KHDRBS2: variants seen among roughly 807,000 people sequenced by gnomAD.
KHDRBS2 encodes KH domain-containing, RNA-binding, signal transduction-associated protein 2.
KHDRBS2 carries 26 observed loss-of-function variants against 44.3 expected under a neutral mutation model. The observed-to-expected ratio is 0.59, with a 90% CI of 0.43 to 0.81. The LOEUF (loss-of-function observed/expected upper bound fraction) is 0.81. Ranked by LOEUF, KHDRBS2 falls within the 40% of genes least tolerant of loss-of-function variation. KHDRBS2 has a pLI of 0.00. For missense variants in KHDRBS2, 476 were observed against 433.1 expected (o/e 1.10, Z -0.88); for synonymous variants, 194 against 151.1 (o/e 1.28, Z -2.08).
intron 8 of KHDRBS2, among the ~76,000 whole-genome samples, chr6:61,691,422 A>G (rs929627442): frequency 2.6e-5 from 4 of 152,104 alleles, no homozygotes; most frequent in African/African-American, 9.6e-5. Context: ...GAATTTTAAA[A>G]TACTTTAGAA....
intron 5 of KHDRBS2, among the ~76,000 whole-genome samples, chr6:61,898,778 A>T (rs1803401471): frequency 6.6e-6 from 1 of 151,970 alleles, no homozygotes; most frequent in Non-Finnish European, 1.5e-5. Flanking sequence ...TAAAAAATGC[A>T]CAAGGTCAAC....
chr6:61,688,321 G>C (rs1251985767), intron 8 of KHDRBS2, among the ~76,000 whole-genome samples: 1 of 151,816 alleles, frequency 6.6e-6, no homozygotes, highest in Non-Finnish European at 1.5e-5. Flanking sequence ...AATGTAGAAG[G>C]TTATCTGACT....
intron 1 of KHDRBS2, among the ~76,000 whole-genome samples, chr6:62,285,396 T>A (rs1159312763): frequency 1.3e-5 from 2 of 152,186 alleles, no homozygotes; most frequent in Non-Finnish European, 2.9e-5. Flanking sequence ...ACACTTTCCA[T>A]AGGATAGACT....
chr6:61,861,800 G>C (rs923956016), intron 6 of KHDRBS2, among the ~76,000 whole-genome samples: 1 of 151,820 alleles, frequency 6.6e-6, no homozygotes, highest in Non-Finnish European at 1.5e-5. Flanking sequence ...AAATTTCTTT[G>C]GGAAGTATAA....
chr6:61,955,541 T>C (rs1583761232), intron 4 of KHDRBS2, among the ~76,000 whole-genome samples: 2 of 56,314 alleles, frequency 3.6e-5, no homozygotes, highest in African/African-American at 1.4e-4. Context: ...TGTGTATATA[T>C]ACACATATGT....
chr6:61,866,713 C>A (rs775688860), intron 6 of KHDRBS2, among the ~76,000 whole-genome samples: 9 of 152,200 alleles, frequency 5.9e-5, no homozygotes, highest in Non-Finnish European at 1.2e-4. Context: ...AAAGTCACAT[C>A]TTGAATGCTT....
intron 6 of KHDRBS2, among the ~76,000 whole-genome samples, chr6:61,868,349 T>A (rs1284144038): frequency 6.6e-6 from 1 of 151,918 alleles, no homozygotes; most frequent in Non-Finnish European, 1.5e-5. Context: ...TGCCAGGCAC[T>A]CCATCCCAGG....
intron 6 of KHDRBS2, among the ~76,000 whole-genome samples, chr6:61,743,034 T>C (rs554156430): frequency 7.9e-5 from 12 of 152,248 alleles, no homozygotes; most frequent in Admixed American, 5.2e-4. Flanking sequence ...GACAGTATTC[T>C]ACATTAACAA....
Position 62,081,070 on chromosome 6 carries a change from T to C in KHDRBS2, c.220-33076A>G, listed in dbSNP as rs148288377. Among the ~76,000 whole-genome samples, 455 of 152,244 alleles carry C rather than the reference T, an allele frequency of 3.0e-3. 3 individuals carry two copies. The highest frequency in any genetic ancestry group is 4.7e-3 in the Non-Finnish European group (320 of 68,010). On this transcript the variant is annotated intron_variant, in intron 2 of 8. Coordinates refer to ENST00000281156, the MANE Select transcript of KHDRBS2 (RefSeq NM_152688.4). ...AGATATCCTCTTCATTAAATTCTTG[T>C]AAATCACCACCTTTGAATGTGTCCT...
the KHDRBS2 span, among the ~76,000 whole-genome samples, chr6:61,653,568 A>T: frequency 6.6e-6 from 1 of 151,938 alleles, no homozygotes; most frequent in African/African-American, 2.4e-5. Flanking sequence ...AAGATAAAAC[A>T]GTCCTTCCTT....
chr6:62,222,721 A>T (rs1277237177), intron 1 of KHDRBS2, among the ~76,000 whole-genome samples: 3 of 152,214 alleles, frequency 2.0e-5, no homozygotes, highest in African/African-American at 7.2e-5. Context: ...AAGAGAAATT[A>T]GCCAAAACAA....
At chr6:61,916,651 A>G (rs528814823) in intron 4 of KHDRBS2, among the ~76,000 whole-genome samples, 3 of 151,978 alleles carry the variant, frequency 2.0e-5, no homozygotes, top group Non-Finnish European at 4.4e-5. Context: ...AAGGACTGTC[A>G]TCCCAAATAT....
chr6:62,159,674 C>T (rs1434556154), intron 2 of KHDRBS2, among the ~76,000 whole-genome samples: 3 of 152,122 alleles, frequency 2.0e-5, no homozygotes, highest in Non-Finnish European at 4.4e-5. Flanking sequence ...CTACTGTTGA[C>T]CGCAAGACTT....
chr6:62,212,949 G>T (rs960032668), intron 1 of KHDRBS2, among the ~76,000 whole-genome samples: 7 of 152,098 alleles, frequency 4.6e-5, no homozygotes, highest in African/African-American at 1.7e-4. Flanking sequence ...TCACCTACTA[G>T]AAGATTTAGA....
intron 6 of KHDRBS2, among the ~76,000 whole-genome samples, chr6:61,741,157 T>A (rs528654737): frequency 6.6e-6 from 1 of 152,022 alleles, no homozygotes; most frequent in African/African-American, 2.4e-5. Context: ...TTTTTGTTTT[T>A]GTTTAACAGA....
intron 2 of KHDRBS2, among the ~76,000 whole-genome samples, chr6:62,112,606 T>C (rs1805271527): frequency 6.6e-6 from 1 of 152,088 alleles, no homozygotes; most frequent in African/African-American, 2.4e-5. Flanking sequence ...CTACATAATA[T>C]GAGAATCCTT....
chr6:61,653,734 A>T, the KHDRBS2 span, among the ~76,000 whole-genome samples: 2 of 152,096 alleles, frequency 1.3e-5, no homozygotes, highest in African/African-American at 4.8e-5. Flanking sequence ...TTCAGAGAAT[A>T]CTACTGCAAG....
intron 6 of KHDRBS2, among the ~76,000 whole-genome samples, chr6:61,791,203 GT>G (rs375957431): frequency 6.6e-6 from 1 of 151,126 alleles, no homozygotes; most frequent in East Asian, 1.9e-4. Context: ...TTCCGGCTCT[GT>G]TTTTTTCCCC....
chr6:61,977,071 C>T (rs1343486010), intron 4 of KHDRBS2, among the ~76,000 whole-genome samples: 6 of 152,048 alleles, frequency 3.9e-5, no homozygotes, highest in African/African-American at 1.2e-4. Flanking sequence ...GATCTTGATG[C>T]TTTTAAATTC....
Sources: gnomAD v4.1 joint callset for allele counts (sites outside exome capture counted in the v4.1 genomes callset) on GRCh38, gnomAD v4.1.1 for gene constraint, MANE v1.5 for transcripts, NCBI Gene and HGNC (gene_info 2026-07-23, HGNC 2026-07-21) for gene names.